The following PRKN variants were observed in gnomAD, a reference collection of about 807,000 sequenced individuals.
PRKN encodes parkin RBR E3 ubiquitin protein ligase.
In PRKN, 56 loss-of-function variants were observed where a neutral mutation model predicts 59.5. The observed-to-expected ratio is 0.94, with a 90% CI of 0.76 to 1.18. The LOEUF is 1.18. Among genes scored for constraint, PRKN ranks in the 50% most tolerant of loss-of-function variants. PRKN has a pLI of 0.00. For missense variants in PRKN, 657 were observed against 596.4 expected (o/e 1.10, Z -1.06); for synonymous variants, 250 against 222.1 (o/e 1.13, Z -1.12).
rs528441911 is a variant in PRKN, at chr6:162,685,362, T to C, written c.7+42300A>G. ...AATAAATTTAACCATTGAGTAGAAC[T>C]GTGCTACTTCTTCAATATTCAGAAA... On this transcript the variant is annotated intron_variant, in intron 1 of 11. Coordinates refer to ENST00000366898, the MANE Select transcript of PRKN (RefSeq NM_004562.3). Among the ~76,000 whole-genome samples, 4 of 152,316 alleles carry C rather than the reference T, an allele frequency of 2.6e-5. No individual in the cohort carries two copies. The South Asian group carries it at 8.3e-4, about 32-fold the overall frequency.
At chr6:161,763,854 G>C (rs1194043779) in intron 7 of PRKN, among the ~76,000 whole-genome samples, 1 of 152,084 alleles carries the variant, frequency 6.6e-6, no homozygotes. Context: ...ACGCCTGCCT[G>C]CCCTTCCTCC....
At chr6:161,668,711 C>T (rs1465007090) in intron 7 of PRKN, among the ~76,000 whole-genome samples, 1 of 152,158 alleles carries the variant, frequency 6.6e-6, no homozygotes, top group Non-Finnish European at 1.5e-5. Flanking sequence ...ATACATTATA[C>T]TTACAAATAT....
intron 9 of PRKN, among the ~76,000 whole-genome samples, chr6:161,477,201 G>T (rs1262832231): frequency 6.6e-6 from 1 of 152,186 alleles, no homozygotes; most frequent in Non-Finnish European, 1.5e-5. Flanking sequence ...GCGATCAGCA[G>T]CTTGTATTGG....
intron 1 of PRKN, among the ~76,000 whole-genome samples, chr6:162,570,951 T>C (rs1780297592): frequency 1.3e-5 from 2 of 152,216 alleles, no homozygotes; most frequent in African/African-American, 4.8e-5. Flanking sequence ...GGATTGTTTG[T>C]AACTCAAAGG....
chr6:162,355,696 T>C (rs1264640526), intron 2 of PRKN, among the ~76,000 whole-genome samples: 1 of 149,618 alleles, frequency 6.7e-6, no homozygotes, highest in Non-Finnish European at 1.5e-5. Context: ...AACTGGGTAT[T>C]TCCTTTTGAA....
In PRKN at chr6:161,509,750, C is replaced by A. The variant is rs187568347; in HGVS notation, c.1083+39104G>T. Reference sequence around the variant, plus strand: ...CAAAAATTAGCTGTGTGTGGTGGTGCGCGCCTGTAATCCCAGCTACTCAGG... The same window carrying A: ...CAAAAATTAGCTGTGTGTGGTGGTGAGCGCCTGTAATCCCAGCTACTCAGG... On this transcript the variant is annotated intron_variant, in intron 9 of 11. Coordinates refer to ENST00000366898, the MANE Select transcript of PRKN (RefSeq NM_004562.3). Among the ~76,000 whole-genome samples, 23 of 151,626 alleles carry A rather than the reference C, an allele frequency of 1.5e-4. No individual in the cohort carries two copies. The South Asian group carries it at 4.2e-3, about 27-fold the overall frequency.
At chr6:162,580,717 C>T (rs919573116) in intron 1 of PRKN, among the ~76,000 whole-genome samples, 9 of 152,190 alleles carry the variant, frequency 5.9e-5, no homozygotes, top group Non-Finnish European at 1.0e-4. Flanking sequence ...CCCTTTCCCA[C>T]AGAAACCTTG....
intron 4 of PRKN, among the ~76,000 whole-genome samples, chr6:162,087,458 TA>T (rs1240143929): frequency 2.6e-5 from 4 of 151,660 alleles, no homozygotes; most frequent in Admixed American, 2.6e-4. Context: ...AGAATTTTAT[TA>T]TTTTTTTAAA....
chr6:162,475,793 T>A (rs992912386), intron 1 of PRKN, among the ~76,000 whole-genome samples: 2 of 152,236 alleles, frequency 1.3e-5, no homozygotes, highest in Non-Finnish European at 2.9e-5. Context: ...TTTGTCGCAA[T>A]CTCAGCTCAC....
At chr6:161,818,764 G>A (rs928813046) in intron 6 of PRKN, among the ~76,000 whole-genome samples, 1 of 152,098 alleles carries the variant, frequency 6.6e-6, no homozygotes, top group African/African-American at 2.4e-5. Context: ...GAAGGCAAGA[G>A]ATCTCCAACA....
intron 5 of PRKN, among the ~76,000 whole-genome samples, chr6:162,036,826 C>A (rs1284708530): frequency 6.6e-6 from 1 of 151,096 alleles, no homozygotes; most frequent in East Asian, 1.9e-4. Context: ...GAAATAATTT[C>A]TTATACTTAC....
At chr6:161,665,195 T>C (rs1331622084) in intron 7 of PRKN, among the ~76,000 whole-genome samples, 2 of 151,964 alleles carry the variant, frequency 1.3e-5, no homozygotes, top group South Asian at 2.1e-4. Context: ...AATAATTTTA[T>C]ATTTTATTAT....
chr6:162,008,298 C>G lies in PRKN; in HGVS notation c.619-34881G>C, dbSNP rs777055861. Among the ~76,000 whole-genome samples the G allele has an allele frequency of 9.2e-4, 140 of 152,276 alleles. 1 individual carries two copies. The highest frequency in any genetic ancestry group is 1.5e-3 in the Non-Finnish European group (101 of 68,016). ...TGCCTGCTATTTGTCTCTTCAGCCC[C>G]ATTTCCCACCATTCTCCACCTGCTT... On this transcript the variant is annotated intron_variant, in intron 5 of 11. Coordinates refer to ENST00000366898, the MANE Select transcript of PRKN (RefSeq NM_004562.3).
chr6:162,071,638 C>A (rs1778578980), intron 4 of PRKN, among the ~76,000 whole-genome samples: 1 of 151,422 alleles, frequency 6.6e-6, no homozygotes, highest in African/African-American at 2.4e-5. Flanking sequence ...GAGCTGTAGC[C>A]CAGGCTGGAG....
intron 1 of PRKN, among the ~76,000 whole-genome samples, chr6:162,582,581 C>A (rs1433268855): frequency 6.6e-6 from 1 of 152,174 alleles, no homozygotes; most frequent in Non-Finnish European, 1.5e-5. Context: ...ATAATATCTG[C>A]AGTGCTTTAT....
chr6:161,477,077 C>T (rs1791121080), intron 9 of PRKN, among the ~76,000 whole-genome samples: 1 of 152,260 alleles, frequency 6.6e-6, no homozygotes, highest in Non-Finnish European at 1.5e-5. Context: ...GCACTTAACT[C>T]ACCAGTGTGG....
intron 5 of PRKN, among the ~76,000 whole-genome samples, chr6:161,985,145 T>C (rs1348913661): frequency 3.3e-5 from 5 of 152,200 alleles, no homozygotes; most frequent in Non-Finnish European, 7.3e-5. Flanking sequence ...ATCTGCTCAG[T>C]TTATAAATCG....
At chr6:161,801,503 C>T (rs142519148) in intron 6 of PRKN, among the ~76,000 whole-genome samples, 15 of 152,282 alleles carry the variant, frequency 9.9e-5, no homozygotes, top group East Asian at 3.9e-4. Flanking sequence ...GATTTGATTA[C>T]GGGGCTTTAA....
At chr6:161,984,098 A>C (rs866685209) in intron 5 of PRKN, among the ~76,000 whole-genome samples, 2 of 152,124 alleles carry the variant, frequency 1.3e-5, no homozygotes, top group Middle Eastern at 3.4e-3. Flanking sequence ...GGTCAGAGTA[A>C]AACAGGCTCA....
Sources: allele counts gnomAD v4.1 joint callset (sites outside exome capture counted in the v4.1 genomes callset), GRCh38; gene constraint gnomAD v4.1.1; transcripts MANE v1.5; gene names NCBI Gene and HGNC (gene_info 2026-07-23, HGNC 2026-07-21).